Variants in PDZRN4 observed in about 807,000 individuals in gnomAD.
PDZRN4 encodes the protein PDZ domain containing ring finger 4, also known as PDZ domain-containing RING finger protein 4.
PDZRN4 carries 70 observed loss-of-function variants against 99.0 expected under a neutral mutation model. The ratio of observed to expected loss-of-function variants is 0.71; its 90% CI spans 0.58 to 0.86. The LOEUF is 0.86. Ranked by LOEUF, PDZRN4 falls within the 40% of genes least tolerant of loss-of-function variation. PDZRN4 has a pLI of 0.00. For synonymous variants in PDZRN4, 551 were observed against 501.6 expected (o/e 1.10, Z -1.32); for missense variants, 1,474 against 1,331.2 (o/e 1.11, Z -1.67).
chr12:41,535,642 C>T (rs1281397579), intron 5 of PDZRN4, among the ~76,000 whole-genome samples: 2 of 152,158 alleles, frequency 1.3e-5, no homozygotes, highest in African/African-American at 2.4e-5. Context: ...GGCTATTGGA[C>T]CATGAGGGCT....
rs374455075 is a variant in PDZRN4, at chr12:41,320,204, C to A, written c.843+126016C>A. Among the ~76,000 whole-genome samples, 7 of 152,172 alleles carry A rather than the reference C, an allele frequency of 4.6e-5. No individual in the cohort carries two copies. In the East Asian group the frequency reaches 1.2e-3, roughly 25 times the overall value. ...AGGTAATTGCTGGTGGTCTCGCCAT[C>A]CCACTTCACATTCCTTGGCTTGGAA... On this transcript the variant is annotated intron_variant, in intron 3 of 9. Transcript: ENST00000402685.
chr12:41,512,900 C>T (rs1231880963), intron 5 of PDZRN4, among the ~76,000 whole-genome samples: 1 of 152,062 alleles, frequency 6.6e-6, no homozygotes, highest in African/African-American at 2.4e-5. Context: ...GAGTGAAGCA[C>T]ACCTTTTGGC....
At chr12:41,511,985 A>G (rs1317689031) in intron 5 of PDZRN4, among the ~76,000 whole-genome samples, 1 of 152,092 alleles carries the variant, frequency 6.6e-6, no homozygotes, top group African/African-American at 2.4e-5. Flanking sequence ...TAGCTCTAGG[A>G]GCGGGATGGA....
chr12:41,197,888 C>CT (rs1338562159), intron 3 of PDZRN4, among the ~76,000 whole-genome samples: 2 of 17,996 alleles, frequency 1.1e-4, no homozygotes, highest in African/African-American at 1.7e-4. Context: ...TTCTTTCTTT[C>CT]TTCTTCTTCT....
At chr12:41,201,006 A>G (rs928557500) in intron 3 of PDZRN4, among the ~76,000 whole-genome samples, 2 of 152,002 alleles carry the variant, frequency 1.3e-5, no homozygotes, top group African/African-American at 2.4e-5. Context: ...AGCCTCTGCT[A>G]TCTATAACTC....
chr12:41,573,612 G>A lies in PDZRN4; in HGVS notation c.2833G>A (p.Glu945Lys). The A allele has an allele frequency of 6.2e-7, 1 of 1,614,094 alleles. No individual in the cohort carries two copies. The highest frequency in any genetic ancestry group is 1.1e-5 in the South Asian group (1 of 91,082). Reference protein sequence around the residue: ...MKMGRYWSKEERKQHLVRAKE... With the variant: ...MKMGRYWSKEKRKQHLVRAKE... ...AATGGGGCGCTACTGGAGCAAAGAG[G>A]AGAGAAAGCAGCACCTGGTTAGGGC... The change falls in exon 10 of 10, where the codon GAG (glutamate) becomes AAG (lysine). Residue 945 changes from glutamate to lysine, a missense_variant. Glu to Lys is a moderately conservative substitution (Grantham distance 56). Transcript: ENST00000402685.
intron 3 of PDZRN4, among the ~76,000 whole-genome samples, chr12:41,381,580 A>G (rs914889569): frequency 1.3e-5 from 2 of 151,836 alleles, no homozygotes; most frequent in African/African-American, 4.8e-5. Flanking sequence ...TTTTCTCTCT[A>G]TAGTTTAAAA....
At chr12:41,284,140 T>G (rs1049551711) in intron 3 of PDZRN4, among the ~76,000 whole-genome samples, 1 of 152,226 alleles carries the variant, frequency 6.6e-6, no homozygotes, top group Admixed American at 6.5e-5. Context: ...CTCCTTAAGC[T>G]GATAAGCAAC....
chr12:41,545,607 G>T (rs1284995220), intron 5 of PDZRN4, among the ~76,000 whole-genome samples: 1 of 151,152 alleles, frequency 6.6e-6, no homozygotes, highest in Non-Finnish European at 1.5e-5. Context: ...GGATAAGAAG[G>T]AATAATTCCA....
At chr12:41,291,237 G>A (rs1951454889) in intron 3 of PDZRN4, among the ~76,000 whole-genome samples, 1 of 151,886 alleles carries the variant, frequency 6.6e-6, no homozygotes, top group Middle Eastern at 3.2e-3. Flanking sequence ...TGAGATATTA[G>A]TGATCAGAAA....
chr12:41,416,353 AT>A (rs2120393800), intron 3 of PDZRN4, among the ~76,000 whole-genome samples: 1 of 152,276 alleles, frequency 6.6e-6, no homozygotes, highest in East Asian at 1.9e-4. Flanking sequence ...GATTAAAAAC[AT>A]TTGGTTTTGG....
chr12:41,337,466 G>A (rs1918222), intron 3 of PDZRN4, among the ~76,000 whole-genome samples: 54,391 of 151,630 alleles, frequency 0.36, 9,818 homozygotes, highest in Non-Finnish European at 0.39. Context: ...AACCAGATGC[G>A]AAGAGGATGG....
At chr12:41,339,037 C>T (rs912972363) in intron 3 of PDZRN4, among the ~76,000 whole-genome samples, 1 of 151,646 alleles carries the variant, frequency 6.6e-6, no homozygotes, top group African/African-American at 2.4e-5. Flanking sequence ...TGTCAAAATG[C>T]CAATGATGTT....
intron 1 of PDZRN4, 29 bp from the exon 2 acceptor site, chr12:41,191,429 G>T: frequency 1.8e-6 from 2 of 1,081,734 alleles, no homozygotes; most frequent in African/African-American, 1.6e-5. Context: ...TTTTTACCTG[G>T]TTAAGTCATT....
At chr12:41,334,051 T>C (rs185739886) in intron 3 of PDZRN4, among the ~76,000 whole-genome samples, 118 of 152,260 alleles carry the variant, frequency 7.7e-4, no homozygotes, top group Non-Finnish European at 1.0e-3. Flanking sequence ...TACCACTCTA[T>C]TGGCAGTATT....
chr12:41,393,267 T>A (rs1339955069), intron 3 of PDZRN4, among the ~76,000 whole-genome samples: 2 of 152,244 alleles, frequency 1.3e-5, no homozygotes, highest in Non-Finnish European at 2.9e-5. Flanking sequence ...TTCATCACTA[T>A]AATTAGTCTG....
In PDZRN4 at chr12:41,506,514, A is replaced by G; in HGVS notation, c.902A>G (p.Asn301Ser). The change falls in exon 4 of 10, where the codon AAT becomes AGT. Residue 301 changes from asparagine to serine, a missense_variant. Asn to Ser is a conservative substitution (Grantham distance 46, BLOSUM62 1). Transcript: ENST00000402685. ...GAAGAGGCAGTGGAAGCTTTTCGCA[A>G]TGCCAAGGAGCCCATTGTGGTGCAG... is the stretch of plus-strand genomic sequence containing the variant. ...THEEAVEAFRNAKEPIVVQVL... is the reference protein window; with the variant it reads ...THEEAVEAFRSAKEPIVVQVL... 6.2e-7 allele frequency: 1 copy of G among 1,613,704 alleles called. No homozygotes were observed.
intron 3 of PDZRN4, among the ~76,000 whole-genome samples, chr12:41,343,592 GGA>G (rs1555132513): frequency 7.2e-6 from 1 of 138,158 alleles, no homozygotes; most frequent in Non-Finnish European, 1.6e-5. Flanking sequence ...GGGAAGTGGG[GGA>G]GGGGAGGATA....
In PDZRN4 at chr12:41,198,754, G is replaced by T. The variant is rs531775881; in HGVS notation, c.843+4566G>T. ...GTGCACATGTACCCTAAAACTTAAA[G>T]TATAGTAATAATAATAATAATAAAT... is the stretch of plus-strand genomic sequence containing the variant. On this transcript the variant is annotated intron_variant, in intron 3 of 9. Coordinates refer to ENST00000402685, the MANE Select transcript of PDZRN4 (RefSeq NM_001164595.2). Among the ~76,000 whole-genome samples, 9 of 151,854 alleles carry T rather than the reference G, an allele frequency of 5.9e-5. No homozygotes were observed. The South Asian group carries it at 1.9e-3, about 32-fold the overall frequency.
Sources: gnomAD v4.1 joint callset for allele counts (sites outside exome capture counted in the v4.1 genomes callset) on GRCh38, gnomAD v4.1.1 for gene constraint, MANE v1.5 for transcripts, NCBI Gene and HGNC (gene_info 2026-07-23, HGNC 2026-07-21) for gene names.